Variants in ALDH1L1 observed in about 807,000 individuals in gnomAD.
ALDH1L1 encodes cytosolic 10-formyltetrahydrofolate dehydrogenase.
ALDH1L1 carries 68 observed loss-of-function variants against 101.1 expected under a neutral mutation model. The observed-to-expected ratio is 0.67, with a 90% CI of 0.55 to 0.82. ALDH1L1 has a LOEUF of 0.82. Among genes scored for constraint, ALDH1L1 ranks in the 40% least tolerant of loss-of-function variants. The pLI, the probability that ALDH1L1 is intolerant of heterozygous loss-of-function variation, is 0.00. For synonymous variants in ALDH1L1, 486 were observed against 470.8 expected (o/e 1.03, Z -0.42); for missense variants, 1,087 against 1,172.7 (o/e 0.93, Z 1.07).
chr3:126,168,784 C>T (rs9822936), intron 1 of ALDH1L1, among the ~76,000 whole-genome samples: 21,889 of 152,030 alleles, frequency 0.14, 1,763 homozygotes, highest in African/African-American at 0.21. Flanking sequence ...AGGAATAATA[C>T]TAACATATGT....
chr3:126,153,670 G>A (rs2080852057), intron 6 of ALDH1L1, 89 bp from the exon 7 acceptor site: 2 of 1,498,940 alleles, frequency 1.3e-6, no homozygotes, highest in Admixed American at 2.1e-5. Flanking sequence ...GGCTGGGAGA[G>A]GGAGAGGGGC....
intron 17 of ALDH1L1, among the ~76,000 whole-genome samples, chr3:126,117,773 C>T (rs546874311): frequency 3.9e-4 from 60 of 152,362 alleles, no homozygotes; most frequent in Non-Finnish European, 4.3e-4. Flanking sequence ...CAGCACCTCT[C>T]GATCCAGCCC....
chr3:126,142,286 A>C (rs1429989521), intron 9 of ALDH1L1, among the ~76,000 whole-genome samples: 1 of 152,166 alleles, frequency 6.6e-6, no homozygotes, highest in Non-Finnish European at 1.5e-5. Context: ...AAGTAACACC[A>C]ATTTTTCTCA....
Position 126,136,683 on chromosome 3 carries a change from C to T in ALDH1L1, c.1344+81G>A, listed in dbSNP as rs1053301530. The T allele has an allele frequency of 7.8e-6, 12 of 1,535,226 alleles. No homozygotes were observed. In the Admixed American group the frequency reaches 7.9e-5, roughly 10 times the overall value. ...CAAGCAGAGACTCTCAGGGTCAGGACCCCCAGAGGCCAGTGGGGGCAGGGA... is the reference window on the plus strand; with the variant it reads ...CAAGCAGAGACTCTCAGGGTCAGGATCCCCAGAGGCCAGTGGGGGCAGGGA... On this transcript the variant is annotated intron_variant, in intron 11 of 22. Coordinates refer to ENST00000393434, the MANE Select transcript of ALDH1L1 (RefSeq NM_012190.4).
Position 126,160,926 on chromosome 3 carries a change from G to C in ALDH1L1, c.54C>G (p.His18Gln). ...QSLFGQEVYCHLRKEGHEVVG... is the reference protein window; with the variant it reads ...QSLFGQEVYCQLRKEGHEVVG... ...CCACTTCGTGGCCCTCCTTCCTCAG[G>C]TGGCAGTAAACTTCCTGGCCAAACA... Residue 18 changes from histidine (H) to glutamine (Q), a missense_variant, in exon 2 of 23, where the codon CAC becomes CAG. This residue lies in a region of ALDH1L1 where 645 missense variants were observed against 637.0 expected (regional missense o/e 1.01). Transcript: ENST00000393434. 2.5e-6 allele frequency: 4 copies of C among 1,614,248 alleles called. No individual in the cohort carries two copies. The highest frequency in any genetic ancestry group is 1.3e-5 in the African/African-American group (1 of 75,068).
chr3:126,137,314 G>T (rs1188847407), intron 10 of ALDH1L1, among the ~76,000 whole-genome samples: 1 of 152,088 alleles, frequency 6.6e-6, no homozygotes, highest in Non-Finnish European at 1.5e-5. Flanking sequence ...CAATCCCAAG[G>T]ACACCCTTAG....
chr3:126,196,308 TA>T (rs1337945533), intron 1 of ALDH1L1, among the ~76,000 whole-genome samples: 3 of 151,542 alleles, frequency 2.0e-5, no homozygotes, highest in Admixed American at 6.6e-5. Context: ...TGGTCTGGTC[TA>T]AAGAACAGAG....
At chr3:126,181,065 A>C, upstream of ALDH1L1, 1 of 1,517,434 alleles carries the variant, frequency 6.6e-7, no homozygotes, top group South Asian at 1.2e-5. Flanking sequence ...ATCCGGGTGG[A>C]TAGCGGCGCT....
At chr3:126,141,439 A>C (rs2080566078) in intron 9 of ALDH1L1, among the ~76,000 whole-genome samples, 1 of 152,124 alleles carries the variant, frequency 6.6e-6, no homozygotes, top group South Asian at 2.1e-4. Context: ...TCTTCATGAT[A>C]AATCATTTGT....
chr3:126,166,619 T>C (rs1467090282), intron 1 of ALDH1L1, among the ~76,000 whole-genome samples: 1 of 152,174 alleles, frequency 6.6e-6, no homozygotes, highest in African/African-American at 2.4e-5. Flanking sequence ...ATAATTTTAT[T>C]ATAAAATTTC....
chr3:126,105,921 A>G lies in ALDH1L1; in HGVS notation c.2458T>C (p.Leu820=), dbSNP rs1273259328. ...MIISRFADGD[L]DAVLSRANAT... is the part of the protein sequence containing the mutation. ...TTGGCCCGAGACAGCACGGCATCCA[A>G]GTCCCTGGAGAGAAAGTCCAGGAAG... is the stretch of plus-strand genomic sequence containing the variant. Residue 820 remains leucine, a synonymous_variant, in exon 22 of 23, where the codon TTG becomes CTG. Transcript: ENST00000393434. 4 of 1,611,732 alleles carry G rather than the reference A, an allele frequency of 2.5e-6. No homozygotes were observed. The African/African-American group carries it at 4.0e-5, about 16-fold the overall frequency.
chr3:126,144,001 A>G (rs1485986921), intron 9 of ALDH1L1, among the ~76,000 whole-genome samples: 1 of 152,228 alleles, frequency 6.6e-6, no homozygotes, highest in African/African-American at 2.4e-5. Context: ...TAGAGCTAAT[A>G]AAGGAATTCA....
intron 13 of ALDH1L1, among the ~76,000 whole-genome samples, chr3:126,130,707 GCTGTCATGCCCTGGTGGAGAGGA>G (rs1232657316): frequency 6.6e-6 from 1 of 152,208 alleles, no homozygotes; most frequent in East Asian, 1.9e-4. Flanking sequence ...CTCCCTTGTC[GCTGTCATGCCCTGGTGGAGAGGA>G]GGAACCATGG....
chr3:126,119,920 G>A (rs2080044727), intron 16 of ALDH1L1, among the ~76,000 whole-genome samples: 1 of 152,192 alleles, frequency 6.6e-6, no homozygotes, highest in Non-Finnish European at 1.5e-5. Flanking sequence ...GACTAAAACA[G>A]CAATGAGATA....
intron 1 of ALDH1L1, among the ~76,000 whole-genome samples, chr3:126,190,065 G>A (rs2081543305): frequency 6.6e-6 from 1 of 152,114 alleles, no homozygotes; most frequent in African/African-American, 2.4e-5. Context: ...TCTTCTCCAG[G>A]GGCGCCCCAG....
At chr3:126,136,531 A>T (rs1461032153) in intron 11 of ALDH1L1, among the ~76,000 whole-genome samples, 1 of 152,130 alleles carries the variant, frequency 6.6e-6, no homozygotes, top group Non-Finnish European at 1.5e-5. Context: ...TCTCTGAAGC[A>T]GGTGCAAGAC....
At chr3:126,106,087 C>T (rs565092674) in intron 21 of ALDH1L1, among the ~76,000 whole-genome samples, 162 bp from the exon 22 acceptor site, 27 of 152,242 alleles carry the variant, frequency 1.8e-4, no homozygotes, top group South Asian at 2.1e-4. Flanking sequence ...GGTTGGGCTG[C>T]GAGCGAGGAG....
intron 16 of ALDH1L1, 34 bp from the exon 17 acceptor site, chr3:126,118,132 T>C (rs778319773): frequency 3.2e-6 from 5 of 1,568,902 alleles, no homozygotes; most frequent in Non-Finnish European, 4.4e-6. Context: ...ATCAGAGTGG[T>C]CCCCCTGGTG....
chr3:126,175,292 C>T (rs2081349794), intron 1 of ALDH1L1, among the ~76,000 whole-genome samples: 1 of 152,002 alleles, frequency 6.6e-6, no homozygotes, highest in African/African-American at 2.4e-5. Context: ...TATGACTAAA[C>T]ATTTAAGAAA....
Sources: gnomAD v4.1 joint callset for allele counts (sites outside exome capture counted in the v4.1 genomes callset) on GRCh38, gnomAD v4.1.1 for gene constraint, gnomAD v4.1.1 regional missense constraint, MANE v1.5 for transcripts, NCBI Gene and HGNC (gene_info 2026-07-23, HGNC 2026-07-21) for gene names.